SETD9: variants seen among roughly 807,000 people sequenced by gnomAD.
The protein encoded by SETD9 is SET domain containing 9.
A neutral mutation model predicts 36.4 loss-of-function variants in SETD9; 37 were observed. The ratio of observed to expected loss-of-function variants is 1.02; its 90% CI spans 0.78 to 1.34. The LOEUF is 1.34. SETD9 is among the 40% of genes most tolerant of loss of function. The pLI is 0.00. For synonymous variants in SETD9, 128 were observed against 132.9 expected (o/e 0.96, Z 0.26); for missense variants, 323 against 353.2 (o/e 0.91, Z 0.69).
At chr5:56,922,112 T>C (rs890611326), downstream of SETD9, 4 of 152,760 alleles carry the variant, frequency 2.6e-5, no homozygotes, top group East Asian at 7.7e-4. Flanking sequence ...AGGTATAAAA[T>C]CTAGAAGTCC....
In SETD9 at chr5:56,912,316, G is replaced by A. The variant is rs142920806; in HGVS notation, c.467-695G>A. 4.1e-4 allele frequency: 315 copies of A among 761,238 alleles called. 5 individuals are homozygous for A. In the Admixed American group the frequency reaches 0.013, roughly 30 times the overall value. 47.2% of individuals were successfully genotyped at this position (761,238 alleles called of 1,614,324 possible). A position where few individuals can be genotyped will look rare whatever the true frequency, so the allele number is the denominator to read the frequency against. On this transcript the variant is annotated intron_variant, in intron 2 of 5. Transcript: ENST00000285947. ...TAGAATGCTAAATAGACTACGTTAT[G>A]TGTTAAACTAACATTATATTATTTG...
At chr5:56,909,466 G>A (rs1748972507), upstream of SETD9, 3 of 518,616 alleles carry the variant, frequency 5.8e-6, no homozygotes, top group African/African-American at 2.0e-5. Flanking sequence ...GAGAGGTGAG[G>A]TCAGGAAAGG....
chr5:56,910,038 T>G, intron 1 of SETD9: 1 of 1,317,552 alleles, frequency 7.6e-7, no homozygotes, highest in Non-Finnish European at 9.7e-7. Flanking sequence ...TCTTTCCCAG[T>G]GTCCGCTGCG....
downstream of SETD9, among the ~76,000 whole-genome samples, chr5:56,925,833 A>G (rs1401935712): frequency 6.6e-6 from 1 of 152,014 alleles, no homozygotes; most frequent in African/African-American, 2.4e-5. Flanking sequence ...ACAGTCCCCA[A>G]CTTCAAGATT....
In SETD9 at chr5:56,913,050, C is replaced by T; in HGVS notation, c.506C>T (p.Ser169Phe). 1 of 1,613,728 alleles carries T rather than the reference C, an allele frequency of 6.2e-7. No homozygotes were observed. The highest frequency in any genetic ancestry group is 1.1e-5 in the South Asian group (1 of 91,062). ...AAGTATGAGCCGATCTTTTTCCAGT[C>T]CATTGGAAATCCGTTTATTTTTAGA... Reference protein sequence around the residue: ...YQKYEPIFFQSIGNPFIFRCL... With the variant: ...YQKYEPIFFQFIGNPFIFRCL... The change falls in exon 3 of 6, where the codon TCC becomes TTC. Residue 169 changes from serine to phenylalanine, a missense_variant. Coordinates refer to ENST00000285947, the MANE Select transcript of SETD9 (RefSeq NM_153706.4).
intron 1 of SETD9, 30 bp downstream of exon 1, chr5:56,909,773 C>T (rs776973713): frequency 6.3e-7 from 1 of 1,585,346 alleles, no homozygotes. Flanking sequence ...GAACGAGGGG[C>T]ACCTGCCTTC....
downstream of SETD9, chr5:56,919,601 A>C (rs1035255737): frequency 6.6e-6 from 1 of 152,658 alleles, no homozygotes; most frequent in African/African-American, 2.4e-5. Flanking sequence ...AAACCAAGAA[A>C]AAAAGATTCC....
chr5:56,911,313 T>A lies in SETD9; in HGVS notation c.243T>A (p.Ser81=), dbSNP rs745694356. The change falls in exon 2 of 6, where the codon TCT becomes TCA. Residue 81 remains serine, a synonymous_variant. Coordinates refer to ENST00000285947, the MANE Select transcript of SETD9 (RefSeq NM_153706.4). ...QSEILSMLPE[S]VKSKYQDLLA... ...AAATCTTGTCTATGCTTCCAGAATC[T>A]GTTAAATCAAAATATCAAGACCTAC... The A allele has an allele frequency of 6.2e-7, 1 of 1,611,516 alleles. No individual in the cohort carries two copies. Among genetic ancestry groups the A allele is most frequent in the African/African-American group, 1.3e-5 (1 of 74,784 alleles).
intron 5 of SETD9, among the ~76,000 whole-genome samples, chr5:56,916,159 C>T (rs1310753879): frequency 6.6e-6 from 1 of 152,020 alleles, no homozygotes; most frequent in East Asian, 1.9e-4. Flanking sequence ...TTTGGGAGGC[C>T]GAGGCGGGCG....
At chr5:56,918,858 A>G (rs1749532527), downstream of SETD9, among the ~76,000 whole-genome samples, 1 of 152,212 alleles carries the variant, frequency 6.6e-6, no homozygotes, top group Non-Finnish European at 1.5e-5. Context: ...GAAATGAAAT[A>G]TGGGGACAAA....
rs779168540 is a variant in SETD9, at chr5:56,909,598, C to A, written c.-48C>A. On this transcript the variant is annotated 5_prime_UTR_variant, in exon 1 of 6. Coordinates refer to ENST00000285947, the MANE Select transcript of SETD9 (RefSeq NM_153706.4). Reference sequence around the variant, plus strand: ...CCGGGCCGGGGCGGGCCCGAGGCCTCGATCCGCCTTCCCCGCGCCGTCCTG... The same window carrying A: ...CCGGGCCGGGGCGGGCCCGAGGCCTAGATCCGCCTTCCCCGCGCCGTCCTG... 5.3e-6 allele frequency: 8 copies of A among 1,506,064 alleles called. No individual in the cohort carries two copies. In the African/African-American group the frequency reaches 8.7e-5, roughly 16 times the overall value. 93.3% of individuals were successfully genotyped at this position (1,506,064 alleles called of 1,614,324 possible). A position where few individuals can be genotyped will look rare whatever the true frequency, so the allele number is the denominator to read the frequency against.
intron 1 of SETD9, chr5:56,910,453 CAA>C (rs1415367835): frequency 2.4e-6 from 3 of 1,234,456 alleles, no homozygotes; most frequent in South Asian, 1.3e-5. Flanking sequence ...CCGTGCTCAC[CAA>C]AGAGGCCGAC....
chr5:56,923,426 C>T (rs1157003818), intron 5 of SETD9: 6 of 1,614,166 alleles, frequency 3.7e-6, no homozygotes, highest in East Asian at 4.5e-5. Flanking sequence ...TAAATTAAAA[C>T]AATCACTTTC....
At chr5:56,916,011 G>C (rs1749405481) in intron 5 of SETD9, among the ~76,000 whole-genome samples, 1 of 151,908 alleles carries the variant, frequency 6.6e-6, no homozygotes, top group African/African-American at 2.4e-5. Context: ...TTGCTTCTCT[G>C]CATGTGTATG....
intron 5 of SETD9, chr5:56,923,562 C>G (rs150526244): frequency 6.2e-7 from 1 of 1,613,840 alleles, no homozygotes; most frequent in South Asian, 1.1e-5. Context: ...GGGTCGCAGA[C>G]GGTTGCTACA....
chr5:56,928,737 A>C (rs1361319567), downstream of SETD9: 2 of 1,483,240 alleles, frequency 1.3e-6, no homozygotes, highest in Non-Finnish European at 1.9e-6. Context: ...TGTAACTAGT[A>C]ATTTATCTGT....
rs767613130 is a variant in SETD9 at position 56,913,912 on chromosome 5, T to C, written c.629T>C (p.Met210Thr). The change falls in exon 4 of 6, where the codon ATG becomes ACG. Residue 210 changes from methionine to threonine, a missense_variant. Met to Thr is a moderately conservative substitution (Grantham distance 81). Coordinates refer to ENST00000285947, the MANE Select transcript of SETD9 (RefSeq NM_153706.4). ...AGGGATCGACTCGGCCCTTTAAAAA[T>C]GAGTGATAGTACATGGCTAACGTCA... Reference protein sequence around the residue: ...NGRDRLGPLKMSDSTWLTSEI... With the variant: ...NGRDRLGPLKTSDSTWLTSEI... 9.9e-6 allele frequency: 16 copies of C among 1,613,960 alleles called. No individual in the cohort carries two copies. In the South Asian group the frequency reaches 1.6e-4, roughly 17 times the overall value.
chr5:56,918,303 C>G (rs532552604), downstream of SETD9, among the ~76,000 whole-genome samples: 1 of 152,266 alleles, frequency 6.6e-6, no homozygotes, highest in South Asian at 2.1e-4. Context: ...AACATCTTCC[C>G]CCAGACAGCC....
intron 5 of SETD9, 138 bp from the exon 6 acceptor site, chr5:56,916,677 C>A (rs1749444032): frequency 1.3e-6 from 1 of 760,082 alleles, no homozygotes; most frequent in Non-Finnish European, 2.0e-6. Flanking sequence ...GAACTATTTC[C>A]TCATGGAAAT....
Sources: gnomAD v4.1 joint callset for allele counts (sites outside exome capture counted in the v4.1 genomes callset) on GRCh38, gnomAD v4.1.1 for gene constraint, MANE v1.5 for transcripts, NCBI Gene and HGNC (gene_info 2026-07-23, HGNC 2026-07-21) for gene names.